The following LY96 variants were observed in gnomAD, a reference collection of about 807,000 sequenced individuals.
LY96 encodes the protein myeloid differentiation protein-2.
LY96 carries 18 observed loss-of-function variants against 18.9 expected under a neutral mutation model. The observed-to-expected ratio is 0.95, with a 90% CI of 0.66 to 1.41. The LOEUF is 1.41. LY96 is among the 40% of genes most tolerant of loss of function. The probability of loss-of-function intolerance (pLI) is 0.00; values close to 1 mark genes in which losing one functional copy is unlikely to be tolerated. For missense variants in LY96, 175 were observed against 182.4 expected (o/e 0.96, Z 0.23); for synonymous variants, 66 against 62.6 (o/e 1.06, Z -0.26).
the LY96 span, among the ~76,000 whole-genome samples, chr8:74,040,481 T>C: frequency 6.6e-5 from 10 of 152,188 alleles, no homozygotes; most frequent in Non-Finnish European, 1.3e-4. Flanking sequence ...CTTAGATTTG[T>C]CTTTAATCTA....
At chr8:73,991,596 T>C (rs1255763056) in intron 1 of LY96, 42 bp downstream of exon 1, 1 of 1,190,248 alleles carries the variant, frequency 8.4e-7, no homozygotes, top group South Asian at 1.2e-5. Flanking sequence ...CATCAACTAT[T>C]TTGAGGGTAA....
the LY96 span, among the ~76,000 whole-genome samples, chr8:74,083,134 A>T: frequency 6.6e-6 from 1 of 152,204 alleles, no homozygotes; most frequent in Non-Finnish European, 1.5e-5. Flanking sequence ...GTAAATATAT[A>T]TCTATAAATA....
At chr8:74,064,527 T>C in the LY96 span, among the ~76,000 whole-genome samples, 1 of 152,234 alleles carries the variant, frequency 6.6e-6, no homozygotes, top group South Asian at 2.1e-4. Context: ...AGAGAGCTGG[T>C]ATTTTAAAAG....
the LY96 span, among the ~76,000 whole-genome samples, chr8:74,085,803 A>T: frequency 2.0e-5 from 3 of 152,260 alleles, no homozygotes; most frequent in Admixed American, 6.5e-5. Context: ...TGTTGATTTG[A>T]TATACATATA....
chr8:73,993,959 G>A (rs564589594), intron 1 of LY96, among the ~76,000 whole-genome samples: 38 of 152,042 alleles, frequency 2.5e-4, no homozygotes, highest in Middle Eastern at 6.8e-3. Context: ...AACCATCACC[G>A]TTGGTGTATC....
At chr8:74,088,083 A>AAGAATAGAATAAT in the LY96 span, among the ~76,000 whole-genome samples, 1 of 120,324 alleles carries the variant, frequency 8.3e-6, no homozygotes, top group South Asian at 2.9e-4. Context: ...TCACTGAGAG[A>AAGAATAGAATAAT]AGAATAGAAT....
At chr8:74,079,379 C>T in the LY96 span, among the ~76,000 whole-genome samples, 2 of 152,166 alleles carry the variant, frequency 1.3e-5, no homozygotes, top group Non-Finnish European at 2.9e-5. Flanking sequence ...CTTACTAGGT[C>T]TATTTCTCTG....
chr8:74,061,262 C>T, the LY96 span, among the ~76,000 whole-genome samples: 3 of 152,170 alleles, frequency 2.0e-5, no homozygotes, highest in Non-Finnish European at 4.4e-5. Context: ...AGGCAGAGCC[C>T]TCATATGAAT....
the LY96 span, among the ~76,000 whole-genome samples, chr8:74,067,603 A>G: frequency 6.6e-6 from 1 of 152,084 alleles, no homozygotes; most frequent in Non-Finnish European, 1.5e-5. Context: ...GGGACTAGAG[A>G]GGACCACCCC....
chr8:74,054,644 C>CTTTCT, the LY96 span, among the ~76,000 whole-genome samples: 1 of 122,754 alleles, frequency 8.1e-6, no homozygotes, highest in Non-Finnish European at 1.6e-5. Flanking sequence ...TTCTTTCTTT[C>CTTTCT]TTTCTTTCTT....
chr8:74,060,138 C>T, the LY96 span, among the ~76,000 whole-genome samples: 1 of 152,050 alleles, frequency 6.6e-6, no homozygotes, highest in Non-Finnish European at 1.5e-5. Flanking sequence ...GAGAGCCAGA[C>T]CTTGTTTCAA....
At chr8:74,004,662 T>C (rs1816371281) in intron 1 of LY96, 134 bp from the exon 2 acceptor site, 1 of 849,054 alleles carries the variant, frequency 1.2e-6, no homozygotes, top group Non-Finnish European at 1.8e-6. Context: ...TGGGGAGATA[T>C]TTTCAATCAT....
chr8:74,022,581 C>CTTTTTTTTTT (rs769379029), intron 3 of LY96, among the ~76,000 whole-genome samples: 24 of 133,144 alleles, frequency 1.8e-4, no homozygotes, highest in African/African-American at 6.0e-4. Flanking sequence ...TTCTTTTTTT[C>CTTTTTTTTTT]TTTTTTTTTT....
chr8:74,042,859 C>T, the LY96 span, among the ~76,000 whole-genome samples: 1 of 151,776 alleles, frequency 6.6e-6, no homozygotes, highest in South Asian at 2.1e-4. Flanking sequence ...TCACTGCAAC[C>T]TCCACTTCCC....
the LY96 span, among the ~76,000 whole-genome samples, chr8:74,092,406 T>C: frequency 2.0e-5 from 3 of 152,172 alleles, no homozygotes; most frequent in Non-Finnish European, 4.4e-5. Flanking sequence ...TCCAAGAACA[T>C]TGGCCCCCGA....
chr8:74,097,261 G>C, the LY96 span, among the ~76,000 whole-genome samples: 22 of 152,212 alleles, frequency 1.4e-4, no homozygotes, highest in East Asian at 4.1e-3. Context: ...AGGCTGTCTG[G>C]GTACAAATCC....
At chr8:74,060,162 C>CGAT in the LY96 span, among the ~76,000 whole-genome samples, 5,890 of 151,974 alleles carry the variant, frequency 0.039, 285 homozygotes, top group African/African-American at 0.1. Context: ...ACAACAACGA[C>CGAT]GACGACGACG....
At chr8:74,038,790 A>G in the LY96 span, among the ~76,000 whole-genome samples, 3 of 152,210 alleles carry the variant, frequency 2.0e-5, no homozygotes, top group Non-Finnish European at 4.4e-5. Flanking sequence ...TCGCTTTCAA[A>G]TCTTGGCTAT....
At chr8:74,093,845 T>C in the LY96 span, among the ~76,000 whole-genome samples, 6 of 152,206 alleles carry the variant, frequency 3.9e-5, no homozygotes, top group African/African-American at 1.4e-4. Context: ...TAGCATATTA[T>C]TTATTTTGAA....
Sources: gnomAD v4.1 joint callset for allele counts (sites outside exome capture counted in the v4.1 genomes callset) on GRCh38, gnomAD v4.1.1 for gene constraint, MANE v1.5 for transcripts, NCBI Gene and HGNC (gene_info 2026-07-23, HGNC 2026-07-21) for gene names.